FAAH2: variants seen among roughly 807,000 people sequenced by gnomAD.
FAAH2 encodes the protein fatty acid amide hydrolase 2.
FAAH2 carries 60 observed loss-of-function variants against 36.9 expected under a neutral mutation model. The ratio of observed to expected loss-of-function variants is 1.63; its 90% confidence interval spans 1.32 to 2.02. The LOEUF (loss-of-function observed/expected upper bound fraction) is 2.02, where lower values mean the gene tolerates loss of function less well. Among genes scored for constraint, FAAH2 ranks in the 30% most tolerant of loss-of-function variants. The pLI, the probability that FAAH2 is intolerant of heterozygous loss-of-function variation, is 0.00. For synonymous variants in FAAH2, 214 were observed against 143.8 expected (o/e 1.49, Z -3.49); for missense variants, 689 against 397.5 (o/e 1.73, Z -6.23).
upstream of FAAH2, among the ~76,000 whole-genome samples, chrX:57,284,350 G>A (rs972522204): frequency 3.6e-5 from 4 of 110,714 alleles, no homozygotes; most frequent in East Asian, 2.8e-4. Flanking sequence ...CTCCAGTGGC[G>A]CTCCAGCCTG....
intron 10 of FAAH2, among the ~76,000 whole-genome samples, chrX:57,469,710 G>C (rs952410823): frequency 1.8e-5 from 2 of 111,256 alleles, no homozygotes; most frequent in Non-Finnish European, 3.8e-5. Context: ...AGTTAACAAG[G>C]ATATCCAGTA....
chrX:57,344,144 G>A lies in FAAH2; in HGVS notation c.742+2754G>A, dbSNP rs766657800. The stretch of plus-strand genomic sequence containing the variant: ...ATAGCTTTTTTTTTTTTTAAATTCT[G>A]TGAAAAATAACAGTATTTCGATAGG... On this transcript the variant is annotated intron_variant, in intron 5 of 10. Coordinates refer to ENST00000374900, the MANE Select transcript of FAAH2 (RefSeq NM_174912.4). Among the ~76,000 whole-genome samples the A allele has an allele frequency of 1.6e-4, 17 of 105,316 alleles. No homozygotes were observed. In the East Asian group the frequency reaches 4.8e-3, roughly 30 times the overall value. The allele number at this position is 105,316 out of a possible 115,157, so 91.5% of individuals were successfully genotyped here. A position where few individuals can be genotyped will look rare whatever the true frequency, so the allele number is the denominator to read the frequency against.
chrX:57,203,422 C>A, the FAAH2 span, among the ~76,000 whole-genome samples: 2 of 111,762 alleles, frequency 1.8e-5, no homozygotes, highest in South Asian at 3.8e-4. Context: ...CAACCTTCAG[C>A]GTGGGTGTCA....
rs746718114 is a variant in FAAH2 at position 57,446,991 on chromosome X, T to G, written c.1180T>G (p.Leu394Val). Residue 394 changes from leucine (L) to valine (V), a missense_variant, in exon 9 of 11, where the codon TTG becomes GTG. By Grantham distance (32) the Leu-to-Val change is conservative. Coordinates refer to ENST00000374900, the MANE Select transcript of FAAH2 (RefSeq NM_174912.4). Reference protein sequence around the residue: ...HGKHVSPLWELIKWCLGLSVY... With the variant: ...HGKHVSPLWEVIKWCLGLSVY... ...GAAACATGTCAGTCCTCTGTGGGAG[T>G]TGATCAAATGGTGCCTGGGTCTGTC... 3.3e-6 allele frequency: 4 copies of G among 1,207,846 alleles called. No individual in the cohort carries two copies. The highest frequency in any genetic ancestry group is 4.5e-6 in the Non-Finnish European group (4 of 894,269).
intron 7 of FAAH2, chrX:57,395,522 A>G (rs756554816): frequency 1.0e-4 from 33 of 325,814 alleles, no homozygotes; most frequent in Admixed American, 2.0e-4. Context: ...TGGGTTTGTC[A>G]TAGATGGCTT....
At chrX:57,159,464 A>T in the FAAH2 span, among the ~76,000 whole-genome samples, 1 of 111,357 alleles carries the variant, frequency 9.0e-6, no homozygotes, top group African/African-American at 3.3e-5. Context: ...GATTCTTCCT[A>T]CCCATGAGCA....
At chrX:57,411,644 G>T (rs1180530064) in intron 7 of FAAH2, among the ~76,000 whole-genome samples, 1 of 111,830 alleles carries the variant, frequency 8.9e-6, no homozygotes. Context: ...TGTTTTGAGT[G>T]GGGCAAGAGA....
At chrX:57,268,181 C>A in the FAAH2 span, among the ~76,000 whole-genome samples, 2 of 111,893 alleles carry the variant, frequency 1.8e-5, no homozygotes, top group Non-Finnish European at 1.9e-5. Flanking sequence ...CTGAAAAACA[C>A]ACTATAAAAA....
intron 2 of FAAH2, among the ~76,000 whole-genome samples, chrX:57,296,927 C>T (rs2052181985): frequency 9.2e-6 from 1 of 109,264 alleles, no homozygotes; most frequent in African/African-American, 3.3e-5. Flanking sequence ...AGAAATGAAC[C>T]AGCATCCAAG....
In FAAH2 at chrX:57,479,087, C is replaced by T. The variant is rs774390515; in HGVS notation, c.1424-9670C>T. On this transcript the variant is annotated intron_variant, in intron 10 of 10. Coordinates refer to ENST00000374900, the MANE Select transcript of FAAH2 (RefSeq NM_174912.4). Reference sequence around the variant, plus strand: ...TATAAATGACCTTGGGCAGTTTGGCCATTTTCACGATATTGATTCTTCCTA... The same window carrying T: ...TATAAATGACCTTGGGCAGTTTGGCTATTTTCACGATATTGATTCTTCCTA... Among the ~76,000 whole-genome samples the T allele has an allele frequency of 3.6e-5, 4 of 111,591 alleles. No homozygotes were observed. In the South Asian group the frequency reaches 1.5e-3, roughly 42 times the overall value.
At chrX:57,228,432 T>G in the FAAH2 span, among the ~76,000 whole-genome samples, 1 of 111,480 alleles carries the variant, frequency 9.0e-6, no homozygotes, top group South Asian at 3.8e-4. Flanking sequence ...CCATTGGGGA[T>G]GTCTGTTTGG....
Position 57,431,962 on chromosome X carries a change from T to A in FAAH2, c.1041T>A (p.His347Gln). The A allele has an allele frequency of 3.3e-6, 4 of 1,206,094 alleles. No homozygotes were observed. Among genetic ancestry groups the A allele is most frequent in the Non-Finnish European group, 4.5e-6 (4 of 892,212 alleles). The change falls in exon 8 of 11, where the codon CAT (histidine) becomes CAA (glutamine). Residue 347 changes from histidine (H) to glutamine (Q), a missense_variant. By Grantham distance (24) the His-to-Gln change is conservative. Transcript: ENST00000374900. ...CTATTCTAGGAGCCTCAGTTCAACATGTTAAACTGAAGAAAATGAAGTACT... is the reference window on the plus strand; with the variant it reads ...CTATTCTAGGAGCCTCAGTTCAACAAGTTAAACTGAAGAAAATGAAGTACT... ...LETILGASVQ[H>Q]VKLKKMKYSF...
At chrX:57,161,038 C>T in the FAAH2 span, among the ~76,000 whole-genome samples, 2 of 111,664 alleles carry the variant, frequency 1.8e-5, no homozygotes, top group African/African-American at 6.5e-5. Context: ...TGAATGTGTC[C>T]CAGAGATTCT....
chrX:57,271,098 C>T, the FAAH2 span, among the ~76,000 whole-genome samples: 7 of 112,450 alleles, frequency 6.2e-5, no homozygotes, highest in African/African-American at 1.9e-4. Flanking sequence ...TTCTCACAGT[C>T]AGCACAGCAG....
intron 10 of FAAH2, chrX:57,452,431 C>A: frequency 3.6e-6 from 2 of 560,895 alleles, no homozygotes; most frequent in Non-Finnish European, 2.2e-6. Context: ...GATATTTAAA[C>A]AGAGTGGGCT....
At chrX:57,233,531 G>A in the FAAH2 span, among the ~76,000 whole-genome samples, 2,768 of 111,938 alleles carry the variant, frequency 0.025, 98 homozygotes, top group African/African-American at 0.085. Context: ...TGAGTTCCAA[G>A]ACTTTTAGAA....
At chrX:57,185,329 C>A in the FAAH2 span, among the ~76,000 whole-genome samples, 10 of 111,123 alleles carry the variant, frequency 9.0e-5, no homozygotes, top group African/African-American at 3.3e-4. Context: ...TAACTGAGAA[C>A]ATATGATGTT....
the FAAH2 span, chrX:57,135,567 T>G: frequency 8.0e-6 from 4 of 502,101 alleles, no homozygotes; most frequent in Non-Finnish European, 9.5e-6. Flanking sequence ...CAGCCGAAAT[T>G]GACAGCTGTT....
At chrX:57,319,811 A>T (rs1386465997) in intron 3 of FAAH2, among the ~76,000 whole-genome samples, 1 of 112,050 alleles carries the variant, frequency 8.9e-6, no homozygotes, top group African/African-American at 3.2e-5. Flanking sequence ...TAGTAGTGGA[A>T]CCAAAACAGA....
Sources: allele counts gnomAD v4.1 joint callset (sites outside exome capture counted in the v4.1 genomes callset), GRCh38; gene constraint gnomAD v4.1.1; transcripts MANE v1.5; gene names NCBI Gene and HGNC (gene_info 2026-07-23, HGNC 2026-07-21).